WDHD1: variants seen among roughly 807,000 people sequenced by gnomAD.
WDHD1 encodes the protein WD repeat and HMG-box DNA-binding protein 1.
WDHD1 carries 111 observed loss-of-function variants against 135.4 expected under a neutral mutation model. The ratio of observed to expected loss-of-function variants is 0.82; its 90% CI spans 0.70 to 0.96. The LOEUF (loss-of-function observed/expected upper bound fraction) is 0.96, where lower values mean the gene tolerates loss of function less well. Among genes scored for constraint, WDHD1 ranks in the 40% least tolerant of loss-of-function variants. The pLI is 0.00. For synonymous variants in WDHD1, 434 were observed against 439.0 expected, an observed-to-expected ratio of 0.99 and a Z score of 0.14; for missense variants, 1,351 against 1,336.3, an observed-to-expected ratio of 1.01 and a Z score of -0.17.
At chr14:54,982,300 C>T (rs1184322662) in intron 15 of WDHD1, among the ~76,000 whole-genome samples, 6 of 152,116 alleles carry the variant, frequency 3.9e-5, no homozygotes, top group Non-Finnish European at 7.4e-5. Context: ...TGAGCCACCG[C>T]GCCCGGCCGA....
At chr14:54,992,924 A>T (rs898723091) in intron 11 of WDHD1, among the ~76,000 whole-genome samples, 5 of 152,082 alleles carry the variant, frequency 3.3e-5, no homozygotes, top group African/African-American at 1.2e-4. Flanking sequence ...AAAAACAAAA[A>T]TTAATTAATT....
At chr14:55,011,458 C>T (rs1009181058) in intron 3 of WDHD1, among the ~76,000 whole-genome samples, 14 of 125,480 alleles carry the variant, frequency 1.1e-4, no homozygotes, top group East Asian at 5.3e-4. Flanking sequence ...CGGGAGGCGG[C>T]GGTTGCAGTG....
intron 3 of WDHD1, among the ~76,000 whole-genome samples, chr14:55,012,992 T>C (rs2042195833): frequency 6.6e-6 from 1 of 152,136 alleles, no homozygotes; most frequent in Admixed American, 6.5e-5. Flanking sequence ...TAAACCTTTC[T>C]TGGAAGTATT....
intron 11 of WDHD1, among the ~76,000 whole-genome samples, chr14:54,995,162 G>C (rs1271669132): frequency 4.6e-5 from 7 of 151,830 alleles, no homozygotes; most frequent in Non-Finnish European, 1.0e-4. Context: ...TTGTATTTTT[G>C]TAGAGACAGG....
intron 24 of WDHD1, among the ~76,000 whole-genome samples, chr14:54,953,307 C>T (rs1380914783): frequency 4.6e-5 from 7 of 152,222 alleles, no homozygotes; most frequent in Admixed American, 1.3e-4. Context: ...AAAAAGTGGG[C>T]GAAGGATATG....
At position 54,987,405 on chromosome 14, in the gene WDHD1, A is replaced by G. The variant is rs768002659; in HGVS notation, c.1527-18T>C. ...GAAGCTTGCTAAAAATTAAAACAAG[A>G]CAGAAACAATCAAACTTTCATATGA... On this transcript the variant is annotated intron_variant, in intron 13 of 25. Coordinates refer to ENST00000360586, the MANE Select transcript of WDHD1 (RefSeq NM_007086.4). The G allele has an allele frequency of 2.6e-6, 4 of 1,551,756 alleles. No individual in the cohort carries two copies. Among genetic ancestry groups the G allele is most frequent in the Admixed American group, 1.9e-5 (1 of 52,700 alleles).
chr14:55,003,476 C>T (rs1348086913), intron 7 of WDHD1, among the ~76,000 whole-genome samples: 1 of 151,698 alleles, frequency 6.6e-6, no homozygotes, highest in Non-Finnish European at 1.5e-5. Context: ...GATCATGCCA[C>T]TGCACTCCAG....
At chr14:55,015,216 G>A (rs1344149546) in intron 2 of WDHD1, among the ~76,000 whole-genome samples, 1 of 151,678 alleles carries the variant, frequency 6.6e-6, no homozygotes, top group African/African-American at 2.4e-5. Flanking sequence ...AAAACCCTGA[G>A]TCTACTAAAA....
intron 21 of WDHD1, among the ~76,000 whole-genome samples, chr14:54,958,849 T>C (rs8012152): frequency 0.42 from 63,788 of 152,030 alleles, 15,169 homozygotes; most frequent in African/African-American, 0.65. Flanking sequence ...TTACCCATGC[T>C]CATGGTTTAA....
intron 2 of WDHD1, among the ~76,000 whole-genome samples, chr14:55,020,159 T>C (rs2042321870): frequency 6.6e-6 from 1 of 152,192 alleles, no homozygotes; most frequent in Admixed American, 6.6e-5. Context: ...CCCTCTTAAG[T>C]AGTGACTGAT....
rs543153610 is a variant in WDHD1 at position 54,970,466 on chromosome 14, ATC to A, written c.2064-3074_2064-3073del. ...ATATATCTAACCAAGGAGGTGAAAG[ATC>A]TCTACAAGAACTACAAAACACTGTT... On this transcript the variant is annotated intron_variant, in intron 16 of 25. Coordinates refer to ENST00000360586, the MANE Select transcript of WDHD1 (RefSeq NM_007086.4). Among the ~76,000 whole-genome samples the A allele has an allele frequency of 8.6e-3, 1,309 of 152,214 alleles. 8 individuals carry two copies. The highest frequency in any genetic ancestry group is 0.015 in the Admixed American group (235 of 15,284).
At chr14:54,946,624 C>A (rs1013954797) in intron 24 of WDHD1, among the ~76,000 whole-genome samples, 2 of 152,160 alleles carry the variant, frequency 1.3e-5, no homozygotes, top group African/African-American at 4.8e-5. Flanking sequence ...GTTGGGACTA[C>A]AGGCATGTGC....
chr14:54,956,826 G>A (rs764534809), intron 23 of WDHD1, among the ~76,000 whole-genome samples: 43 of 152,312 alleles, frequency 2.8e-4, no homozygotes, highest in Middle Eastern at 3.4e-3. Context: ...CTGGGCTCAA[G>A]TGATCCTCCC....
At position 55,013,961 on chromosome 14, in the gene WDHD1, T is replaced by C. The variant is rs191713415; in HGVS notation, c.78-365A>G. Among the ~76,000 whole-genome samples, 374 of 152,292 alleles carry C rather than the reference T, an allele frequency of 2.5e-3. 5 individuals carry two copies. The highest frequency in any genetic ancestry group is 0.023 in the Admixed American group (346 of 15,294). On this transcript the variant is annotated intron_variant, in intron 2 of 25. Coordinates refer to ENST00000360586, the MANE Select transcript of WDHD1 (RefSeq NM_007086.4). ...ATACATTAGTTTTTTGGAATGCTAC[T>C]TCTATATTTACCACTTTTTCACAAA...
intron 17 of WDHD1, among the ~76,000 whole-genome samples, chr14:54,966,977 T>C (rs926509743): frequency 2.0e-5 from 3 of 152,196 alleles, no homozygotes; most frequent in Non-Finnish European, 2.9e-5. Flanking sequence ...AGCCAGGTGT[T>C]ATGGCACAAA....
chr14:54,948,755 C>G (rs753392367), intron 24 of WDHD1, among the ~76,000 whole-genome samples: 2 of 152,208 alleles, frequency 1.3e-5, no homozygotes, highest in African/African-American at 2.4e-5. Flanking sequence ...AGGCACCCCC[C>G]AGTAGGGGCA....
chr14:54,968,741 T>C (rs1468006945), intron 16 of WDHD1, among the ~76,000 whole-genome samples: 2 of 152,156 alleles, frequency 1.3e-5, no homozygotes, highest in Admixed American at 1.3e-4. Context: ...AACACTTCTA[T>C]GTGCACAAAC....
intron 16 of WDHD1, 53 bp downstream of exon 16, chr14:54,981,464 CTTAAAGGGCCTCATAAAAAGAAT>C (rs776103574): frequency 1.2e-4 from 162 of 1,404,536 alleles, no homozygotes; most frequent in Non-Finnish European, 1.6e-4. Context: ...GACAAATACA[CTTAAAGGGCCTCATAAAAAGAAT>C]TTCAACATAC....
chr14:54,962,755 G>A lies in WDHD1; in HGVS notation c.2630C>T (p.Pro877Leu). 6.2e-7 allele frequency: 1 copy of A among 1,613,794 alleles called. No individual in the cohort carries two copies. Among genetic ancestry groups the A allele is most frequent in the South Asian group, 1.1e-5 (1 of 91,066 alleles). ...TATCTCACCAGGCTTATGTATTTCT[G>A]GTTTTTCTTCATCATCAGCTTCTCC... is the stretch of plus-strand genomic sequence containing the variant. Reference protein sequence around the residue: ...DSGEADDEEKPEIHKPGQNSF... With the variant: ...DSGEADDEEKLEIHKPGQNSF... The change falls in exon 20 of 26, where the codon CCA becomes CTA. Residue 877 changes from proline (P) to leucine (L), a missense_variant. Transcript: ENST00000360586.
Sources: gnomAD v4.1 joint callset for allele counts (sites outside exome capture counted in the v4.1 genomes callset) on GRCh38, gnomAD v4.1.1 for gene constraint, MANE v1.5 for transcripts, NCBI Gene and HGNC (gene_info 2026-07-23, HGNC 2026-07-21) for gene names.